CDH6: variants seen among roughly 807,000 people sequenced by gnomAD.
CDH6 encodes cadherin 6.
In CDH6, 31 loss-of-function variants were observed where a neutral mutation model predicts 78.0. The ratio of observed to expected loss-of-function variants is 0.40; its 90% confidence interval spans 0.30 to 0.54. The LOEUF (loss-of-function observed/expected upper bound fraction) is 0.54, where lower values mean the gene tolerates loss of function less well. CDH6 is among the 20% of genes least tolerant of loss of function. CDH6 has a pLI of 0.56. For synonymous variants in CDH6, 376 were observed against 368.8 expected (o/e 1.02, Z -0.23); for missense variants, 724 against 975.9 (o/e 0.74, Z 3.44).
chr5:31,195,441 T>A (rs2111756942), intron 1 of CDH6, among the ~76,000 whole-genome samples: 1 of 152,344 alleles, frequency 6.6e-6, no homozygotes, highest in African/African-American at 2.4e-5. Context: ...CTTTTCTTGC[T>A]GAAAGCTTTA....
chr5:31,218,493 G>A (rs1056302993), intron 1 of CDH6, among the ~76,000 whole-genome samples: 31 of 152,052 alleles, frequency 2.0e-4, no homozygotes, highest in African/African-American at 6.5e-4. Context: ...ACCCACTCTC[G>A]TTTATTTCGA....
intron 1 of CDH6, among the ~76,000 whole-genome samples, chr5:31,262,823 G>A (rs1050579937): frequency 3.3e-5 from 5 of 152,016 alleles, no homozygotes; most frequent in Admixed American, 6.6e-5. Flanking sequence ...ACATCTGATT[G>A]CCACTTACCA....
intron 4 of CDH6, among the ~76,000 whole-genome samples, chr5:31,298,062 A>G (rs1221006332): frequency 6.6e-6 from 1 of 152,200 alleles, no homozygotes; most frequent in Non-Finnish European, 1.5e-5. Flanking sequence ...TGTCTAGCCC[A>G]TCCTAACTGA....
chr5:31,270,172 G>A (rs938474151), intron 2 of CDH6, among the ~76,000 whole-genome samples: 7 of 152,130 alleles, frequency 4.6e-5, no homozygotes, highest in African/African-American at 9.7e-5. Context: ...CACCTGATGC[G>A]ATTATCCAGC....
At chr5:31,268,467 C>T (rs1021307770) in intron 2 of CDH6, among the ~76,000 whole-genome samples, 2 of 152,174 alleles carry the variant, frequency 1.3e-5, no homozygotes, top group East Asian at 3.9e-4. Context: ...AGCCTGTCAT[C>T]GTGAGTTTCG....
At chr5:31,234,637 C>T (rs1401214683) in intron 1 of CDH6, among the ~76,000 whole-genome samples, 1 of 152,166 alleles carries the variant, frequency 6.6e-6, no homozygotes, top group East Asian at 1.9e-4. Context: ...CTTTGCTTCT[C>T]TTCTGTGACT....
At chr5:31,305,126 C>T in intron 6 of CDH6, 48 bp from the exon 7 acceptor site, 1 of 1,569,266 alleles carries the variant, frequency 6.4e-7, no homozygotes, top group Non-Finnish European at 8.6e-7. Flanking sequence ...CTTTCTGTGT[C>T]TTGGCTGCTT....
At chr5:31,195,134 A>G (rs754175397) in intron 1 of CDH6, among the ~76,000 whole-genome samples, 2 of 152,170 alleles carry the variant, frequency 1.3e-5, no homozygotes, top group Non-Finnish European at 2.9e-5. Context: ...GAGGTGTATC[A>G]GACCGTGTCT....
rs921641656 is a variant in CDH6 at position 31,316,154 on chromosome 5, G to C, written c.1391-54G>C. 1.7e-4 allele frequency: 264 copies of C among 1,570,406 alleles called. 2 individuals are homozygous for C. The highest frequency in any genetic ancestry group is 1.5e-3 in the Middle Eastern group (9 of 5,842). ...GGAGTTGAGCGGATGTTGTCTAAAG[G>C]GAATCGGCAATCAACATGTAAATGC... On this transcript the variant is annotated intron_variant, in intron 8 of 11. Coordinates refer to ENST00000265071, the MANE Select transcript of CDH6 (RefSeq NM_004932.4).
chr5:31,245,121 C>T (rs927733808), intron 1 of CDH6, among the ~76,000 whole-genome samples: 5 of 152,136 alleles, frequency 3.3e-5, no homozygotes, highest in African/African-American at 1.2e-4. Context: ...AAGCAAGTCC[C>T]AGTGGAGGAG....
Position 31,299,616 on chromosome 5 carries a change from C to T in CDH6, c.796C>T (p.Pro266Ser). ...ITLTDVNDNP[P>S]RFPQSTYQFK... ...ACTGACTGATGTCAACGACAACCCT[C>T]CCCGATTCCCCCAGAGTAGGAACAT... The change falls in exon 5 of 12, where the codon CCC becomes TCC. Residue 266 changes from proline to serine, a missense_variant. Coordinates refer to ENST00000265071, the MANE Select transcript of CDH6 (RefSeq NM_004932.4). 8 of 1,612,696 alleles carry T rather than the reference C, an allele frequency of 5.0e-6. No individual in the cohort carries two copies. Among genetic ancestry groups the T allele is most frequent in the Non-Finnish European group, 6.8e-6 (8 of 1,178,972 alleles).
intron 2 of CDH6, among the ~76,000 whole-genome samples, chr5:31,268,444 A>G (rs1742421377): frequency 6.6e-6 from 1 of 152,222 alleles, no homozygotes; most frequent in Admixed American, 6.5e-5. Flanking sequence ...TGAGTCAGGG[A>G]AACAGCTTGG....
At position 31,267,534 on chromosome 5, in the gene CDH6, T is replaced by A; in HGVS notation, c.61T>A (p.Ser21Thr). Residue 21 changes from serine to threonine, a missense_variant, in exon 2 of 12, where the codon TCA becomes ACA. Ser to Thr is a moderately conservative substitution (Grantham distance 58). Coordinates refer to ENST00000265071, the MANE Select transcript of CDH6 (RefSeq NM_004932.4). The part of the protein sequence containing the change: ...FWVGQPYPTL[S>T]TPLSKRTSGF... ...GGTGGGCCAGCCCTACCCAACTCTC[T>A]CAACTCCACTATCAAAGAGGACTAG... The A allele has an allele frequency of 6.2e-7, 1 of 1,614,058 alleles. No homozygotes were observed. Among genetic ancestry groups the A allele is most frequent in the Non-Finnish European group, 8.5e-7 (1 of 1,180,002 alleles).
Position 31,328,724 on chromosome 5 carries a change from C to A in CDH6, c.*5416C>A, listed in dbSNP as rs1738669608. 4.7e-6 allele frequency: 1 copy of A among 214,834 alleles called. No individual in the cohort carries two copies. Among genetic ancestry groups the A allele is most frequent in the South Asian group, 1.9e-4 (1 of 5,380 alleles). 13.3% of individuals were successfully genotyped at this position (214,834 alleles called of 1,614,324 possible). On this transcript the variant is annotated 3_prime_UTR_variant, in exon 12 of 12. Transcript: ENST00000265071. ...TTCCAAGTATAAATTGAAACGGATG[C>A]CACCCTTGAAGATTTACTGGCGGGA...
chr5:31,213,713 A>G (rs1326401727), intron 1 of CDH6, among the ~76,000 whole-genome samples: 1 of 152,068 alleles, frequency 6.6e-6, no homozygotes, highest in African/African-American at 2.4e-5. Context: ...CTCTTAAATA[A>G]TGTTGGTTAA....
chr5:31,197,164 A>AT (rs1740192000), intron 1 of CDH6, among the ~76,000 whole-genome samples: 2 of 152,058 alleles, frequency 1.3e-5, no homozygotes, highest in African/African-American at 4.8e-5. Flanking sequence ...TTTCTGTTTC[A>AT]TTTCTTTCCT....
chr5:31,205,869 C>A (rs1049597602), intron 1 of CDH6, among the ~76,000 whole-genome samples: 1 of 152,162 alleles, frequency 6.6e-6, no homozygotes, highest in African/African-American at 2.4e-5. Flanking sequence ...TTAGCACTTA[C>A]AATATTTCAG....
At chr5:31,206,972 T>C (rs1031451334) in intron 1 of CDH6, among the ~76,000 whole-genome samples, 2 of 152,116 alleles carry the variant, frequency 1.3e-5, no homozygotes, top group Non-Finnish European at 2.9e-5. Flanking sequence ...CACTAATCCC[T>C]ACAATTTCCC....
At chr5:31,305,491 C>T in intron 7 of CDH6, 64 bp downstream of exon 7, 1 of 1,500,098 alleles carries the variant, frequency 6.7e-7, no homozygotes, top group Non-Finnish European at 9.0e-7. Flanking sequence ...CAAATATCTG[C>T]CTGCACTTGA....
Sources: gnomAD v4.1 joint callset for allele counts (sites outside exome capture counted in the v4.1 genomes callset) on GRCh38, gnomAD v4.1.1 for gene constraint, MANE v1.5 for transcripts, NCBI Gene and HGNC (gene_info 2026-07-23, HGNC 2026-07-21) for gene names.